Variants in SLC35F3 observed in about 807,000 individuals in gnomAD.
SLC35F3 encodes the protein putative thiamine transporter SLC35F3.
SLC35F3 carries 25 observed loss-of-function variants against 49.9 expected under a neutral mutation model. The ratio of observed to expected loss-of-function variants is 0.50; its 90% CI spans 0.37 to 0.70. The LOEUF (loss-of-function observed/expected upper bound fraction) is 0.70, where lower values mean the gene tolerates loss of function less well. SLC35F3 is among the 30% of genes least tolerant of loss of function. SLC35F3 has a pLI of 0.00. For missense variants in SLC35F3, 525 were observed against 639.8 expected (o/e 0.82, Z 1.94); for synonymous variants, 275 against 265.4 (o/e 1.04, Z -0.35).
At chr1:233,930,116 T>G (rs891469344) in intron 2 of SLC35F3, among the ~76,000 whole-genome samples, 3 of 150,402 alleles carry the variant, frequency 2.0e-5, no homozygotes, top group African/African-American at 7.4e-5. Context: ...GCTATTGTAC[T>G]CCAGCCTGGC....
At chr1:234,000,499 A>G (rs911795320) in intron 2 of SLC35F3, among the ~76,000 whole-genome samples, 3 of 152,198 alleles carry the variant, frequency 2.0e-5, no homozygotes, top group African/African-American at 7.2e-5. Context: ...ACAGGAAATT[A>G]TTAAGAAAGA....
intron 3 of SLC35F3, among the ~76,000 whole-genome samples, chr1:234,253,484 G>A (rs1387140452): frequency 2.0e-5 from 3 of 151,372 alleles, no homozygotes; most frequent in Non-Finnish European, 4.4e-5. Context: ...ATAGATATTT[G>A]TATGGCTTGA....
At position 234,272,941 on chromosome 1, in the gene SLC35F3, G is replaced by A. The variant is rs185036326; in HGVS notation, c.609-36160G>A. On this transcript the variant is annotated intron_variant, in intron 3 of 7. Coordinates refer to ENST00000366618, the MANE Select transcript of SLC35F3 (RefSeq NM_173508.4). The stretch of plus-strand genomic sequence containing the variant: ...AACTCTCAGGTGGACTTGGAAGCCC[G>A]CGCAGGACAGTCACAGCCCCTGGGG... 1.1e-3 allele frequency among the ~76,000 whole-genome samples: 161 copies of A among 152,278 alleles called. 1 individual carries two copies. Among genetic ancestry groups the A allele is most frequent in the African/African-American group, 3.6e-3 (148 of 41,558 alleles).
chr1:234,203,637 G>C (rs1439688929), intron 2 of SLC35F3, among the ~76,000 whole-genome samples: 1 of 152,080 alleles, frequency 6.6e-6, no homozygotes, highest in African/African-American at 2.4e-5. Flanking sequence ...CTTGAACCTG[G>C]GTGGCAGAGG....
chr1:234,284,438 C>T (rs1444254707), intron 3 of SLC35F3, among the ~76,000 whole-genome samples: 2 of 152,182 alleles, frequency 1.3e-5, no homozygotes, highest in African/African-American at 4.8e-5. Flanking sequence ...ATATTTCCTT[C>T]GCACTCTTCA....
At chr1:234,301,640 A>G (rs190279090) in intron 3 of SLC35F3, among the ~76,000 whole-genome samples, 2 of 152,358 alleles carry the variant, frequency 1.3e-5, no homozygotes, top group African/African-American at 4.8e-5. Context: ...GTAATTCCTC[A>G]AGGATCTAGA....
At chr1:234,125,226 A>G (rs1665629549) in intron 2 of SLC35F3, among the ~76,000 whole-genome samples, 3 of 151,958 alleles carry the variant, frequency 2.0e-5, no homozygotes, top group Admixed American at 2.0e-4. Context: ...TGCTACCCCA[A>G]ATTATCCTGC....
In SLC35F3 at chr1:233,957,405, CATTT is replaced by C. The variant is rs1371599542; in HGVS notation, c.283+51651_283+51654del. 6.6e-6 allele frequency among the ~76,000 whole-genome samples: 1 copy of C among 152,188 alleles called. No homozygotes were observed. Among genetic ancestry groups the C allele is most frequent in the Non-Finnish European group, 1.5e-5 (1 of 68,030 alleles). On this transcript the variant is annotated intron_variant, in intron 2 of 7. Coordinates refer to ENST00000366618, the MANE Select transcript of SLC35F3 (RefSeq NM_173508.4). This position sits in a 1 kb window ranked among gnomAD's most constrained non-coding sequence, Gnocchi z 4.0. Reference sequence around the variant, plus strand: ...GTGGGCTCTGTCACCTTTGTAGCCTCATTTATTCCACTCCTTTCAGGATTCCCTG... The same window carrying C: ...GTGGGCTCTGTCACCTTTGTAGCCTCATTCCACTCCTTTCAGGATTCCCTG...
At position 234,181,163 on chromosome 1, in the gene SLC35F3, T is replaced by C. The variant is rs191553745; in HGVS notation, c.284-50254T>C. 3.3e-5 allele frequency among the ~76,000 whole-genome samples: 5 copies of C among 149,800 alleles called. No individual in the cohort carries two copies. The East Asian group carries it at 7.7e-4, about 23-fold the overall frequency. On this transcript the variant is annotated intron_variant, in intron 2 of 7. Transcript: ENST00000366618. ...GCCTGGCCAACATGGCAAAATCCTC[T>C]GTCTACAAAAAAAAATACAATAAAT...
At chr1:234,148,274 T>C (rs550503865) in intron 2 of SLC35F3, among the ~76,000 whole-genome samples, 13 of 152,316 alleles carry the variant, frequency 8.5e-5, no homozygotes, top group South Asian at 2.1e-4. Context: ...TTGATGCTTA[T>C]CCACACGCAC....
chr1:233,976,954 G>T (rs1663103360), intron 2 of SLC35F3, among the ~76,000 whole-genome samples: 1 of 152,198 alleles, frequency 6.6e-6, no homozygotes, highest in Admixed American at 6.5e-5. Flanking sequence ...ATGTGATACT[G>T]GTAGCCTTTT....
chr1:234,295,349 A>G (rs1300084131), intron 3 of SLC35F3, among the ~76,000 whole-genome samples: 3 of 152,240 alleles, frequency 2.0e-5, no homozygotes, highest in Non-Finnish European at 4.4e-5. Flanking sequence ...TGGATACTGC[A>G]TTGCTGCCTT....
At chr1:234,204,028 T>G (rs1666936550) in intron 2 of SLC35F3, among the ~76,000 whole-genome samples, 1 of 152,212 alleles carries the variant, frequency 6.6e-6, no homozygotes, top group Admixed American at 6.5e-5. Context: ...CTCTAGCATT[T>G]TCCCTGTGTT....
intron 3 of SLC35F3, among the ~76,000 whole-genome samples, chr1:234,252,907 C>T (rs908752995): frequency 3.9e-5 from 6 of 152,098 alleles, no homozygotes; most frequent in Non-Finnish European, 5.9e-5. Flanking sequence ...CAAGCATGGA[C>T]GATAAAGTTT....
At chr1:234,069,178 A>T (rs1351811596) in intron 2 of SLC35F3, among the ~76,000 whole-genome samples, 1 of 138,542 alleles carries the variant, frequency 7.2e-6, no homozygotes, top group Non-Finnish European at 1.5e-5. Context: ...AATATAATAT[A>T]TAAAATTTTA....
chr1:233,969,315 G>A (rs925531871), intron 2 of SLC35F3, among the ~76,000 whole-genome samples: 13 of 152,250 alleles, frequency 8.5e-5, no homozygotes, highest in South Asian at 4.1e-4. Flanking sequence ...CAGTGGCCGC[G>A]TGTGCGGTCA....
In SLC35F3 at chr1:234,214,596, C is replaced by G; in HGVS notation, c.284-16821C>G. On this transcript the variant is annotated intron_variant, in intron 2 of 7. Coordinates refer to ENST00000366618, the MANE Select transcript of SLC35F3 (RefSeq NM_173508.4). This position sits in a 1 kb window ranked among gnomAD's most constrained non-coding sequence, Gnocchi z 8.0. The stretch of plus-strand genomic sequence containing the variant: ...GAAGGTAATGCGCGGCCGCCTCGCC[C>G]CGGGGGTCCCTGCACCCTAGCCGGG... 1.3e-6 allele frequency: 2 copies of G among 1,522,884 alleles called. No homozygotes were observed. The highest frequency in any genetic ancestry group is 1.8e-6 in the Non-Finnish European group (2 of 1,135,672). The allele number at this position is 1,522,884 out of a possible 1,614,324, so 94.3% of individuals were successfully genotyped here.
chr1:234,244,632 TG>T (rs1259917576), intron 3 of SLC35F3, among the ~76,000 whole-genome samples: 3 of 151,958 alleles, frequency 2.0e-5, no homozygotes, highest in Non-Finnish European at 2.9e-5. Flanking sequence ...TTTTTTTTTT[TG>T]GAAATTAGTC....
chr1:233,927,633 T>C (rs1662181133), intron 2 of SLC35F3, among the ~76,000 whole-genome samples: 1 of 152,034 alleles, frequency 6.6e-6, no homozygotes, highest in African/African-American at 2.4e-5. Flanking sequence ...TTAACCCAAT[T>C]CAGAAGACAT....
Sources: allele counts gnomAD v4.1 joint callset (sites outside exome capture counted in the v4.1 genomes callset), GRCh38; gene constraint gnomAD v4.1.1; non-coding constraint Gnocchi (gnomAD v3.1); transcripts MANE v1.5; gene names NCBI Gene and HGNC (gene_info 2026-07-23, HGNC 2026-07-21).